The following ELK3 variants were observed in gnomAD, a reference collection of about 807,000 sequenced individuals.
The protein encoded by ELK3 is ETS transcription factor ELK3, also known as ETS domain-containing protein Elk-3.
A neutral mutation model predicts 28.9 loss-of-function variants in ELK3; 10 were observed. That is an observed-to-expected ratio of 0.35 (90% CI 0.21 to 0.59). The LOEUF (loss-of-function observed/expected upper bound fraction) is 0.59, where lower values mean the gene tolerates loss of function less well. ELK3 is among the 20% of genes least tolerant of loss of function. The pLI is 0.82. For synonymous variants in ELK3, 272 were observed against 243.5 expected (o/e 1.12, Z -1.09); for missense variants, 463 against 517.3 (o/e 0.90, Z 1.02).
chr12:96,195,457 A>G (rs1236687308), intron 1 of ELK3, among the ~76,000 whole-genome samples: 1 of 152,118 alleles, frequency 6.6e-6, no homozygotes, highest in Non-Finnish European at 1.5e-5. Context: ...TTACCTTCGA[A>G]CTCAACGTTG....
chr12:96,266,550 C>A (rs1339345224), intron 4 of ELK3, among the ~76,000 whole-genome samples: 1 of 151,994 alleles, frequency 6.6e-6, no homozygotes, highest in African/African-American at 2.4e-5. Flanking sequence ...ACTTTCTTAG[C>A]TCCAAAATAA....
In ELK3 at chr12:96,247,226, A is replaced by T; in HGVS notation, c.494A>T (p.Lys165Met). 1 of 1,614,238 alleles carries T rather than the reference A, an allele frequency of 6.2e-7. No homozygotes were observed. The highest frequency in any genetic ancestry group is 8.5e-7 in the Non-Finnish European group (1 of 1,180,036). Reference protein sequence around the residue: ...PDAFKAIKTEKLEEPPEDSPP... With the variant: ...PDAFKAIKTEMLEEPPEDSPP... Reference sequence around the variant, plus strand: ...GCCTTCAAGGCCATCAAGACGGAGAAGCTGGAGGAGCCGCCCGAAGACAGC... The same window carrying T: ...GCCTTCAAGGCCATCAAGACGGAGATGCTGGAGGAGCCGCCCGAAGACAGC... The change falls in exon 3 of 5, where the codon AAG (lysine) becomes ATG (methionine). Residue 165 changes from lysine to methionine, a missense_variant. By Grantham distance (95) the Lys-to-Met change is moderately conservative. Coordinates refer to ENST00000228741, the MANE Select transcript of ELK3 (RefSeq NM_005230.4). This position sits in a 1 kb window ranked among gnomAD's most constrained non-coding sequence, Gnocchi z 5.5.
chr12:96,256,171 G>A (rs979913604), intron 3 of ELK3, among the ~76,000 whole-genome samples: 5 of 152,190 alleles, frequency 3.3e-5, no homozygotes, highest in Non-Finnish European at 5.9e-5. Context: ...CCATCTGTAA[G>A]GTGATAGGGG....
chr12:96,259,637 T>C, intron 3 of ELK3, 94 bp from the exon 4 acceptor site: 2 of 1,412,834 alleles, frequency 1.4e-6, no homozygotes, highest in Non-Finnish European at 1.9e-6. Context: ...TCCTGGCCCA[T>C]GCCTAGCCTA....
At chr12:96,211,186 C>T (rs1313079751) in intron 1 of ELK3, among the ~76,000 whole-genome samples, 1 of 152,166 alleles carries the variant, frequency 6.6e-6, no homozygotes, top group Non-Finnish European at 1.5e-5. Context: ...TTTAATTGCA[C>T]TAAAAAGAAA....
intron 2 of ELK3, among the ~76,000 whole-genome samples, chr12:96,239,580 T>A (rs186895437): frequency 4.6e-5 from 7 of 152,316 alleles, no homozygotes; most frequent in African/African-American, 1.4e-4. Context: ...TCTTTCCTTG[T>A]CCTTTCTCTG....
At chr12:96,236,476 A>G (rs1951784577) in intron 2 of ELK3, among the ~76,000 whole-genome samples, 1 of 152,194 alleles carries the variant, frequency 6.6e-6, no homozygotes, top group African/African-American at 2.4e-5. Context: ...CCCAAACCAC[A>G]AGAAAACCTC....
At chr12:96,214,038 GCATTGTGCTAGATATTA>G (rs1304486976) in intron 1 of ELK3, among the ~76,000 whole-genome samples, 8 of 152,044 alleles carry the variant, frequency 5.3e-5, no homozygotes, top group Non-Finnish European at 1.0e-4. Context: ...AGTAATCCTT[GCATTGTGCTAGATATTA>G]CATTGTGCTA....
chr12:96,266,828 T>C (rs1205742426), intron 4 of ELK3, among the ~76,000 whole-genome samples: 5 of 152,232 alleles, frequency 3.3e-5, no homozygotes, highest in Non-Finnish European at 5.9e-5. Flanking sequence ...ATATAAATTA[T>C]ATATTTTTTC....
chr12:96,247,654 G>A lies in ELK3; in HGVS notation c.922G>A (p.Gly308Ser), dbSNP rs776863935. The change falls in exon 3 of 5, where the codon GGC becomes AGC. Residue 308 changes from glycine to serine, a missense_variant. By Grantham distance (56) the Gly-to-Ser change is moderately conservative. Coordinates refer to ENST00000228741, the MANE Select transcript of ELK3 (RefSeq NM_005230.4). The surrounding 1 kb of genome is among the most constrained non-coding windows in gnomAD (Gnocchi z 5.5). ...CTCAGCGCCCCCGCTGGTGCTCTCC[G>A]GCACCGACATCGGCTCCATCGCCCT... ...EISAPPLVLS[G>S]TDIGSIALNS... 5.8e-5 allele frequency: 94 copies of A among 1,612,476 alleles called. No homozygotes were observed. The highest frequency in any genetic ancestry group is 7.5e-5 in the Non-Finnish European group (88 of 1,179,962).
At chr12:96,259,954 T>A in intron 4 of ELK3, 101 bp downstream of exon 4, 1 of 1,429,638 alleles carries the variant, frequency 7.0e-7, no homozygotes, top group Non-Finnish European at 9.2e-7. Flanking sequence ...TATGTTGAGT[T>A]GAAATATTAA....
At chr12:96,232,058 A>G (rs190180450) in intron 2 of ELK3, among the ~76,000 whole-genome samples, 3 of 152,294 alleles carry the variant, frequency 2.0e-5, no homozygotes, top group Admixed American at 6.5e-5. Flanking sequence ...TCTGGATCTT[A>G]AGGAATGAGA....
At chr12:96,248,635 T>A (rs1434893319) in intron 3 of ELK3, among the ~76,000 whole-genome samples, 1 of 152,156 alleles carries the variant, frequency 6.6e-6, no homozygotes, top group Non-Finnish European at 1.5e-5. Flanking sequence ...ATGGACAGGC[T>A]TTGTGAGCTG....
At chr12:96,202,523 CTTT>C (rs67138285) in intron 1 of ELK3, among the ~76,000 whole-genome samples, 1 of 108,598 alleles carries the variant, frequency 9.2e-6, no homozygotes. Context: ...TTACCACAAG[CTTT>C]TTTTTTTTTT....
In ELK3 at chr12:96,257,071, G is replaced by C. The variant is rs555610619; in HGVS notation, c.1003-2660G>C. ...CCTTATCTGCCATGCTTGTTAAAAC[G>C]AGACTGTCTTTGGGGAAGGAAAGAA... On this transcript the variant is annotated intron_variant, in intron 3 of 4. Coordinates refer to ENST00000228741, the MANE Select transcript of ELK3 (RefSeq NM_005230.4). Among the ~76,000 whole-genome samples the C allele has an allele frequency of 2.6e-4, 39 of 152,322 alleles. No individual in the cohort carries two copies. The South Asian group carries it at 7.5e-3, about 29-fold the overall frequency.
intron 2 of ELK3, 63 bp downstream of exon 2, chr12:96,223,836 C>T: frequency 1.3e-6 from 2 of 1,506,154 alleles, no homozygotes; most frequent in South Asian, 2.3e-5. Context: ...GCGTAGTTCA[C>T]TGATGAAAGA....
At chr12:96,236,585 T>C (rs1404215775) in intron 2 of ELK3, among the ~76,000 whole-genome samples, 1 of 152,116 alleles carries the variant, frequency 6.6e-6, no homozygotes, top group Non-Finnish European at 1.5e-5. Context: ...TGAGTGGGTG[T>C]GTACGTGTGT....
chr12:96,267,003 C>A, intron 4 of ELK3, 79 bp from the exon 5 acceptor site: 1 of 1,202,872 alleles, frequency 8.3e-7, no homozygotes, highest in Non-Finnish European at 1.2e-6. Context: ...CTGCTATGGA[C>A]TGTATGGGAA....
Position 96,267,136 on chromosome 12 carries a change from G to C in ELK3, c.1180G>C (p.Ala394Pro). The C allele has an allele frequency of 1.9e-6, 3 of 1,613,614 alleles. No homozygotes were observed. Among genetic ancestry groups the C allele is most frequent in the Non-Finnish European group, 2.5e-6 (3 of 1,179,780 alleles). ...AGTGCCAATCCCCAGTCTGGACAGA[G>C]CTGCTTCTCCAGTACTGCTTTCTTC... Reference protein sequence around the residue: ...MPVPIPSLDRAASPVLLSSNS... With the variant: ...MPVPIPSLDRPASPVLLSSNS... Residue 394 changes from alanine to proline, a missense_variant, in exon 5 of 5, where the codon GCT (alanine) becomes CCT (proline). Transcript: ENST00000228741.
Sources: allele counts gnomAD v4.1 joint callset (sites outside exome capture counted in the v4.1 genomes callset), GRCh38; gene constraint gnomAD v4.1.1; non-coding constraint Gnocchi (gnomAD v3.1); transcripts MANE v1.5; gene names NCBI Gene and HGNC (gene_info 2026-07-23, HGNC 2026-07-21).